The following SLIT3 variants were observed in gnomAD, a reference collection of about 807,000 sequenced individuals.
The protein encoded by SLIT3 is slit guidance ligand 3.
SLIT3 carries 68 observed loss-of-function variants against 184.0 expected under a neutral mutation model. The observed-to-expected ratio is 0.37, with a 90% CI of 0.30 to 0.45. SLIT3 has a LOEUF of 0.45. Ranked by LOEUF, SLIT3 falls within the 20% of genes least tolerant of loss-of-function variation. The probability of loss-of-function intolerance (pLI) is 1.00; values close to 1 mark genes in which losing one functional copy is unlikely to be tolerated. For synonymous variants in SLIT3, 831 were observed against 828.6 expected (o/e 1.00, Z -0.05); for missense variants, 1,707 against 2,026.0 (o/e 0.84, Z 3.02).
intron 1 of SLIT3, among the ~76,000 whole-genome samples, chr5:169,281,875 T>TCC (rs5873169): frequency 0.024 from 3,575 of 152,062 alleles, 56 homozygotes; most frequent in Non-Finnish European, 0.034. Flanking sequence ...GAGGTAATTT[T>TCC]CCCCCCCAGG....
chr5:169,237,709 A>G (rs1183202004), intron 3 of SLIT3, among the ~76,000 whole-genome samples: 4 of 152,186 alleles, frequency 2.6e-5, no homozygotes, highest in African/African-American at 9.7e-5. Context: ...ATCCTCTTCA[A>G]TGAAGTGCCT....
intron 7 of SLIT3, among the ~76,000 whole-genome samples, chr5:168,821,285 C>T (rs966744726): frequency 2.0e-5 from 3 of 152,200 alleles, no homozygotes; most frequent in African/African-American, 7.2e-5. Context: ...TCTGTTATTG[C>T]TGCTTCTAAA....
At chr5:168,709,875 G>A (rs1046522305) in intron 25 of SLIT3, among the ~76,000 whole-genome samples, 3 of 151,714 alleles carry the variant, frequency 2.0e-5, no homozygotes, top group East Asian at 1.9e-4. Context: ...GAAAATAAGA[G>A]AAAATAATGA....
chr5:169,073,961 G>T (rs1458269257), intron 4 of SLIT3, among the ~76,000 whole-genome samples: 1 of 152,206 alleles, frequency 6.6e-6, no homozygotes, highest in Non-Finnish European at 1.5e-5. Flanking sequence ...TGCAGTAAGG[G>T]GAGGGACACA....
intron 3 of SLIT3, among the ~76,000 whole-genome samples, chr5:169,243,884 G>C (rs1028179432): frequency 6.6e-6 from 1 of 152,230 alleles, no homozygotes; most frequent in Non-Finnish European, 1.5e-5. Flanking sequence ...CCACCAGCAT[G>C]ACTAAGTGCT....
chr5:169,257,803 C>A (rs1304648579), intron 1 of SLIT3, among the ~76,000 whole-genome samples: 1 of 152,040 alleles, frequency 6.6e-6, no homozygotes, highest in Non-Finnish European at 1.5e-5. Context: ...GATCTGCCCA[C>A]CTTGGCCTCC....
At chr5:169,019,897 G>C (rs1756533118) in intron 4 of SLIT3, among the ~76,000 whole-genome samples, 1 of 152,116 alleles carries the variant, frequency 6.6e-6, no homozygotes, top group Admixed American at 6.5e-5. Flanking sequence ...AACTTTTTCA[G>C]TTCTTTGCAG....
At chr5:169,274,950 G>A (rs1766752298) in intron 1 of SLIT3, among the ~76,000 whole-genome samples, 1 of 152,232 alleles carries the variant, frequency 6.6e-6, no homozygotes, top group Non-Finnish European at 1.5e-5. Flanking sequence ...ATGATAATGT[G>A]TATAAATCAG....
At chr5:169,028,633 C>T (rs942825268) in intron 4 of SLIT3, among the ~76,000 whole-genome samples, 3 of 152,222 alleles carry the variant, frequency 2.0e-5, no homozygotes, top group Admixed American at 1.3e-4. Flanking sequence ...CAATATTTTG[C>T]ATTTATTTGC....
intron 4 of SLIT3, among the ~76,000 whole-genome samples, chr5:169,128,246 A>G (rs1581437023): frequency 1.4e-5 from 2 of 147,682 alleles, no homozygotes; most frequent in East Asian, 3.9e-4. Context: ...ACACACACAC[A>G]CATTTATATA....
intron 5 of SLIT3, among the ~76,000 whole-genome samples, chr5:168,865,812 T>C (rs1252791632): frequency 2.0e-5 from 3 of 152,234 alleles, no homozygotes; most frequent in Non-Finnish European, 4.4e-5. Flanking sequence ...TGCAAATATA[T>C]ACATATATAA....
intron 4 of SLIT3, among the ~76,000 whole-genome samples, chr5:168,960,968 T>C (rs1424760126): frequency 1.3e-5 from 2 of 152,250 alleles, no homozygotes; most frequent in Admixed American, 1.3e-4. Context: ...ACTGACAATT[T>C]GGACTGTAAA....
intron 4 of SLIT3, among the ~76,000 whole-genome samples, chr5:169,056,706 A>G (rs1426080040): frequency 6.6e-6 from 1 of 152,052 alleles, no homozygotes; most frequent in African/African-American, 2.4e-5. Context: ...GCAGCTGTGG[A>G]TTTCATCGTT....
chr5:169,172,128 C>A (rs1212602347), intron 4 of SLIT3, among the ~76,000 whole-genome samples: 1 of 152,120 alleles, frequency 6.6e-6, no homozygotes, highest in Non-Finnish European at 1.5e-5. Flanking sequence ...ATGGGTGCTA[C>A]AAAAGGACTA....
chr5:168,994,887 C>A (rs1206102018), intron 4 of SLIT3, among the ~76,000 whole-genome samples: 1 of 151,888 alleles, frequency 6.6e-6, no homozygotes, highest in Non-Finnish European at 1.5e-5. Flanking sequence ...AGTGATCCAC[C>A]CACCTTGGCC....
At chr5:169,077,228 C>G (rs772170798) in intron 4 of SLIT3, among the ~76,000 whole-genome samples, 2 of 152,114 alleles carry the variant, frequency 1.3e-5, no homozygotes, top group South Asian at 4.2e-4. Flanking sequence ...TTTCTTTTCT[C>G]TAGTTTATTG....
intron 4 of SLIT3, among the ~76,000 whole-genome samples, chr5:169,186,243 C>T (rs1214309527): frequency 6.6e-6 from 1 of 152,082 alleles, no homozygotes; most frequent in Non-Finnish European, 1.5e-5. Flanking sequence ...CCTAATCCAA[C>T]ATAACTGGTG....
At chr5:168,883,152 A>G (rs916038257) in intron 5 of SLIT3, 113 bp downstream of exon 5, 5 of 761,334 alleles carry the variant, frequency 6.6e-6, no homozygotes, top group African/African-American at 3.5e-5. Flanking sequence ...ACAGCCCTCA[A>G]TTTCATCTCT....
chr5:168,738,823 A>G (rs1390640631), intron 20 of SLIT3, among the ~76,000 whole-genome samples: 1 of 150,914 alleles, frequency 6.6e-6, no homozygotes, highest in East Asian at 2.0e-4. Flanking sequence ...CTGTAGTCCC[A>G]GCTGCTGGGG....
Sources: gnomAD v4.1 joint callset for allele counts (sites outside exome capture counted in the v4.1 genomes callset) on GRCh38, gnomAD v4.1.1 for gene constraint, MANE v1.5 for transcripts, NCBI Gene and HGNC (gene_info 2026-07-23, HGNC 2026-07-21) for gene names.